The following HFM1 variants were observed in gnomAD, a reference collection of about 807,000 sequenced individuals.
HFM1 encodes helicase for meiosis 1.
Under a neutral mutation model 192.1 loss-of-function variants are expected in HFM1, and 169 were observed. The ratio of observed to expected loss-of-function variants is 0.88; its 90% CI spans 0.78 to 1.00. The LOEUF is 1.00. Among genes scored for constraint, HFM1 ranks in the 50% least tolerant of loss-of-function variants. The pLI, the probability that HFM1 is intolerant of heterozygous loss-of-function variation, is 0.00. For missense variants in HFM1, 1,661 were observed against 1,668.0 expected (o/e 1.00, Z 0.07); for synonymous variants, 525 against 537.8 (o/e 0.98, Z 0.33).
At chr1:91,401,857 A>G (rs1664342034) in intron 1 of HFM1, among the ~76,000 whole-genome samples, 1 of 152,118 alleles carries the variant, frequency 6.6e-6, no homozygotes, top group Non-Finnish European at 1.5e-5. Flanking sequence ...AAAAACATTC[A>G]GCATTGGCCA....
intron 13 of HFM1, among the ~76,000 whole-genome samples, chr1:91,358,703 G>C (rs1201488023): frequency 6.6e-6 from 1 of 152,082 alleles, no homozygotes; most frequent in Non-Finnish European, 1.5e-5. Flanking sequence ...GAGAACATAG[G>C]GCAAAGCACC....
intron 30 of HFM1, among the ~76,000 whole-genome samples, chr1:91,301,423 G>GA (rs1648762544): frequency 9.7e-6 from 1 of 102,630 alleles, no homozygotes; most frequent in Non-Finnish European, 1.9e-5. Flanking sequence ...CACAGAATTG[G>GA]AAAAAACTAC....
intron 13 of HFM1, among the ~76,000 whole-genome samples, chr1:91,367,975 T>C (rs1203459922): frequency 1.3e-5 from 2 of 152,130 alleles, no homozygotes; most frequent in East Asian, 3.8e-4. Flanking sequence ...CAGTAGCCGA[T>C]GTGATCAACT....
chr1:91,270,119 C>T (rs1363554305), intron 34 of HFM1, among the ~76,000 whole-genome samples: 1 of 151,964 alleles, frequency 6.6e-6, no homozygotes, highest in South Asian at 2.1e-4. Flanking sequence ...GATAATGAGA[C>T]TGAAAGCAGA....
At chr1:91,314,099 G>A in intron 28 of HFM1, 39 bp from the exon 29 acceptor site, 1 of 1,187,792 alleles carries the variant, frequency 8.4e-7, no homozygotes, top group Non-Finnish European at 1.2e-6. Context: ...TCCAAACACT[G>A]AATGAAATAC....
At chr1:91,352,747 AC>A (rs1301327631) in intron 15 of HFM1, 96 bp from the exon 16 acceptor site, 58 of 893,912 alleles carry the variant, frequency 6.5e-5, no homozygotes, top group Non-Finnish European at 8.8e-5. Flanking sequence ...TGTAATAAAA[AC>A]TCATACATAA....
chr1:91,331,673 A>T (rs1653839645), intron 20 of HFM1, among the ~76,000 whole-genome samples: 1 of 152,244 alleles, frequency 6.6e-6, no homozygotes, highest in African/African-American at 2.4e-5. Context: ...AGGCAGGCAG[A>T]TCACTTCAGG....
At chr1:91,370,105 A>G (rs950494115) in intron 13 of HFM1, among the ~76,000 whole-genome samples, 4 of 152,204 alleles carry the variant, frequency 2.6e-5, no homozygotes, top group African/African-American at 9.6e-5. Context: ...TTAATAGCTT[A>G]CCAACCAAAA....
chr1:91,398,377 G>C (rs1663921839), intron 2 of HFM1, among the ~76,000 whole-genome samples: 1 of 151,976 alleles, frequency 6.6e-6, no homozygotes. Flanking sequence ...TCCTTGTAAT[G>C]CTTCTTAAAT....
At chr1:91,319,497 A>C (rs1651772029) in intron 23 of HFM1, 107 bp from the exon 24 acceptor site, 6 of 671,846 alleles carry the variant, frequency 8.9e-6, no homozygotes, top group Non-Finnish European at 1.6e-5. Flanking sequence ...CTCTGCCTTA[A>C]TTTCTGCAAT....
intron 25 of HFM1, among the ~76,000 whole-genome samples, chr1:91,318,797 G>A (rs1414383787): frequency 1.3e-5 from 2 of 152,140 alleles, no homozygotes; most frequent in Non-Finnish European, 2.9e-5. Context: ...CCTAATTACT[G>A]TAACCAAATT....
At chr1:91,291,751 A>C (rs1570812060) in intron 30 of HFM1, among the ~76,000 whole-genome samples, 1 of 152,102 alleles carries the variant, frequency 6.6e-6, no homozygotes, top group African/African-American at 2.4e-5. Context: ...CACAACCAAA[A>C]AAGAGAATTT....
chr1:91,329,207 G>A lies in HFM1; in HGVS notation c.2336-4441C>T, dbSNP rs1049576525. On this transcript the variant is annotated intron_variant, in intron 20 of 38. Transcript: ENST00000370425. Reference sequence around the variant, plus strand: ...CTTTGCCAGAAAATCGGCTCCACAAGGAGGCTTACCAGCTCTTCTTGGAAC... The same window carrying A: ...CTTTGCCAGAAAATCGGCTCCACAAAGAGGCTTACCAGCTCTTCTTGGAAC... 5.6e-6 allele frequency: 9 copies of A among 1,609,648 alleles called. No individual in the cohort carries two copies. In the Admixed American group the frequency reaches 1.5e-4, roughly 27 times the overall value.
chr1:91,285,436 T>C (rs533581893), intron 30 of HFM1, among the ~76,000 whole-genome samples: 4 of 152,164 alleles, frequency 2.6e-5, no homozygotes, highest in African/African-American at 4.8e-5. Flanking sequence ...ATAACACCAT[T>C]TGACAAGGGA....
chr1:91,377,683 C>G, intron 11 of HFM1: 1 of 233,090 alleles, frequency 4.3e-6, no homozygotes. Flanking sequence ...TATTTTTATT[C>G]TCCACCATAC....
At chr1:91,332,291 A>G (rs577126940) in intron 20 of HFM1, among the ~76,000 whole-genome samples, 5 of 152,314 alleles carry the variant, frequency 3.3e-5, no homozygotes, top group South Asian at 4.1e-4. Context: ...GGAACCCAGA[A>G]AGAAATCCAC....
At chr1:91,299,663 A>G (rs1648351327) in intron 30 of HFM1, among the ~76,000 whole-genome samples, 1 of 152,250 alleles carries the variant, frequency 6.6e-6, no homozygotes, top group African/African-American at 2.4e-5. Flanking sequence ...TGGAAACTGA[A>G]CATCCTGCTC....
intron 29 of HFM1, 142 bp downstream of exon 29, chr1:91,313,815 T>G: frequency 2.1e-6 from 1 of 476,756 alleles, no homozygotes. Context: ...GAAACTTCCT[T>G]TGAAGTTTAT....
chr1:91,270,066 C>T (rs981296868), intron 34 of HFM1, among the ~76,000 whole-genome samples: 14 of 151,982 alleles, frequency 9.2e-5, no homozygotes, highest in African/African-American at 2.9e-4. Context: ...GTTTACACAA[C>T]CAGATATGTC....
Sources: allele counts gnomAD v4.1 joint callset (sites outside exome capture counted in the v4.1 genomes callset), GRCh38; gene constraint gnomAD v4.1.1; transcripts MANE v1.5; gene names NCBI Gene and HGNC (gene_info 2026-07-23, HGNC 2026-07-21).